Variants in LOC400499 observed in about 807,000 individuals in gnomAD.
the LOC400499 span, among the ~76,000 whole-genome samples, chr16:11,375,782 T>A: frequency 3.4e-5 from 5 of 146,526 alleles, no homozygotes; most frequent in Non-Finnish European, 6.0e-5. Flanking sequence ...CAGGCTGGAG[T>A]GCAATGGTGC....
At chr16:11,467,882 A>C in the LOC400499 span, among the ~76,000 whole-genome samples, 2 of 152,214 alleles carry the variant, frequency 1.3e-5, no homozygotes, top group Admixed American at 6.5e-5. Context: ...CACATGATTA[A>C]GCTAAGCTGA....
At chr16:11,467,278 A>G in the LOC400499 span, 1 of 149,524 alleles carries the variant, frequency 6.7e-6, no homozygotes. Context: ...TGAGTAAAAA[A>G]AAAAAAAAAA....
chr16:11,511,499 T>C, the LOC400499 span, among the ~76,000 whole-genome samples: 34 of 152,272 alleles, frequency 2.2e-4, no homozygotes, highest in African/African-American at 7.7e-4. Flanking sequence ...TACAATGGAA[T>C]ATTATTCAGC....
chr16:11,439,654 T>C, the LOC400499 span: 1 of 398,810 alleles, frequency 2.5e-6, no homozygotes, highest in East Asian at 3.6e-5. Context: ...AGGTGGCTAC[T>C]GGGCAAATGC....
At chr16:11,471,352 A>C in the LOC400499 span, 3 of 250,402 alleles carry the variant, frequency 1.2e-5, no homozygotes, top group Non-Finnish European at 1.5e-5. Context: ...TTAAAAGGGA[A>C]GAAATGTGGT....
At chr16:11,411,380 G>C in the LOC400499 span, 22 of 399,040 alleles carry the variant, frequency 5.5e-5, no homozygotes, top group African/African-American at 4.5e-4. Flanking sequence ...ACCTTGTCCA[G>C]TGCCCCCAGG....
the LOC400499 span, among the ~76,000 whole-genome samples, chr16:11,373,080 G>C: frequency 6.6e-6 from 1 of 152,226 alleles, no homozygotes; most frequent in South Asian, 2.1e-4. Flanking sequence ...CCTAGCCAAG[G>C]GGAGGGCGGA....
At chr16:11,491,333 C>T in the LOC400499 span, among the ~76,000 whole-genome samples, 11 of 152,048 alleles carry the variant, frequency 7.2e-5, no homozygotes, top group South Asian at 2.1e-4. Flanking sequence ...CTAGATTTGC[C>T]GACGCCATCC....
chr16:11,438,294 A>G, the LOC400499 span, among the ~76,000 whole-genome samples: 1 of 152,200 alleles, frequency 6.6e-6, no homozygotes, highest in African/African-American at 2.4e-5. Context: ...CCACAAAAGC[A>G]AAAGGTTGCT....
At chr16:11,406,467 T>C in the LOC400499 span, among the ~76,000 whole-genome samples, 1 of 152,354 alleles carries the variant, frequency 6.6e-6, no homozygotes, top group South Asian at 2.1e-4. Flanking sequence ...AGTTTCACTC[T>C]TGTCACCCAG....
At chr16:11,507,848 C>G in the LOC400499 span, among the ~76,000 whole-genome samples, 1 of 150,532 alleles carries the variant, frequency 6.6e-6, no homozygotes, top group Non-Finnish European at 1.5e-5. Context: ...GTGGGAGGAT[C>G]ACTTGAGCCA....
chr16:11,397,850 G>A, the LOC400499 span, among the ~76,000 whole-genome samples: 1 of 151,892 alleles, frequency 6.6e-6, no homozygotes, highest in African/African-American at 2.4e-5. Flanking sequence ...GAGGATGAAT[G>A]GATGGAGAGA....
the LOC400499 span, among the ~76,000 whole-genome samples, chr16:11,526,735 AAT>A: frequency 6.6e-6 from 1 of 152,170 alleles, no homozygotes; most frequent in African/African-American, 2.4e-5. Flanking sequence ...TTGCTGAGAC[AAT>A]GTCTCACTCT....
At chr16:11,390,179 C>A in the LOC400499 span, 1 of 1,232,524 alleles carries the variant, frequency 8.1e-7, no homozygotes. Context: ...TGGCCTCAGC[C>A]CAAGACAGCA....
At chr16:11,395,488 G>C in the LOC400499 span, among the ~76,000 whole-genome samples, 2 of 152,326 alleles carry the variant, frequency 1.3e-5, no homozygotes, top group South Asian at 2.1e-4. Context: ...AAACGGGGAA[G>C]TGACAGTCAG....
chr16:11,489,145 G>A, the LOC400499 span, among the ~76,000 whole-genome samples: 1 of 152,212 alleles, frequency 6.6e-6, no homozygotes, highest in Admixed American at 6.5e-5. Flanking sequence ...TCAGACCTGA[G>A]TCTGAATCCA....
chr16:11,372,833 C>T, the LOC400499 span: 2 of 419,378 alleles, frequency 4.8e-6, no homozygotes, highest in Non-Finnish European at 6.4e-6. Context: ...GGGCCCCTGG[C>T]CTTCATTATT....
the LOC400499 span, chr16:11,384,852 G>A: frequency 4.1e-6 from 5 of 1,231,646 alleles, no homozygotes; most frequent in South Asian, 4.1e-5. Flanking sequence ...AGAGTCCGCT[G>A]TAGGTGGGGC....
chr16:11,444,190 A>AG, the LOC400499 span, among the ~76,000 whole-genome samples: 2 of 152,150 alleles, frequency 1.3e-5, no homozygotes, highest in Non-Finnish European at 2.9e-5. Flanking sequence ...TGAATCCAAG[A>AG]GATCAAGACC....
Sources: allele counts gnomAD v4.1 joint callset (sites outside exome capture counted in the v4.1 genomes callset), GRCh38; gene constraint gnomAD v4.1.1; transcripts MANE v1.5.